Variants in ATRN observed in about 807,000 individuals in gnomAD.
The protein encoded by ATRN is attractin.
ATRN carries 54 observed loss-of-function variants against 178.7 expected under a neutral mutation model. That is an observed-to-expected ratio of 0.30 (90% confidence interval 0.24 to 0.38). The LOEUF (loss-of-function observed/expected upper bound fraction) is 0.38, where lower values mean the gene tolerates loss of function less well. Ranked by LOEUF, ATRN falls within the 10% of genes least tolerant of loss-of-function variation. ATRN has a pLI of 1.00. For missense variants in ATRN, 1,443 were observed against 1,815.1 expected (o/e 0.79, Z 3.73); for synonymous variants, 636 against 663.0 (o/e 0.96, Z 0.63).
chr20:3,629,757 T>C (rs1568774121), intron 25 of ATRN, among the ~76,000 whole-genome samples: 2 of 152,304 alleles, frequency 1.3e-5, no homozygotes, highest in East Asian at 1.9e-4. Context: ...AGGAGAGCAC[T>C]ATACGTAGAA....
At chr20:3,609,160 G>C (rs181968347) in intron 24 of ATRN, among the ~76,000 whole-genome samples, 1 of 151,684 alleles carries the variant, frequency 6.6e-6, no homozygotes, top group African/African-American at 2.4e-5. Flanking sequence ...CCACAAATGT[G>C]GTGTCTCTTT....
chr20:3,564,982 G>A (rs957322624), intron 10 of ATRN, among the ~76,000 whole-genome samples: 2 of 152,042 alleles, frequency 1.3e-5, no homozygotes, highest in Non-Finnish European at 2.9e-5. Flanking sequence ...GGAGAATGGC[G>A]TGAACCTGGG....
intron 1 of ATRN, among the ~76,000 whole-genome samples, chr20:3,523,165 T>TG (rs2085318892): frequency 6.6e-6 from 1 of 151,458 alleles, no homozygotes; most frequent in Non-Finnish European, 1.5e-5. Context: ...CTAAGAACCT[T>TG]GAAAAAAGGT....
At chr20:3,601,819 G>A (rs918326018) in intron 23 of ATRN, among the ~76,000 whole-genome samples, 14 of 144,186 alleles carry the variant, frequency 9.7e-5, no homozygotes, top group Admixed American at 2.1e-4. Context: ...AGCCATGATC[G>A]CACCATTGTA....
chr20:3,563,140 C>T, intron 9 of ATRN, 69 bp from the exon 10 acceptor site: 1 of 1,378,450 alleles, frequency 7.3e-7, no homozygotes, highest in Non-Finnish European at 1.0e-6. Flanking sequence ...GTTGTGCTTG[C>T]ATTAGCAGAT....
At chr20:3,540,414 G>A in intron 3 of ATRN, 79 bp downstream of exon 3, 1 of 882,380 alleles carries the variant, frequency 1.1e-6, no homozygotes. Context: ...ATTCTTACTG[G>A]GTTCACCTTT....
At chr20:3,498,664 G>T (rs2084914287) in intron 1 of ATRN, among the ~76,000 whole-genome samples, 1 of 152,112 alleles carries the variant, frequency 6.6e-6, no homozygotes, top group South Asian at 2.1e-4. Flanking sequence ...AGTAAATTAG[G>T]TATTGATGGG....
intron 1 of ATRN, among the ~76,000 whole-genome samples, chr20:3,478,557 G>T (rs1370910563): frequency 1.3e-5 from 2 of 152,110 alleles, no homozygotes. Context: ...ATAGGGGAGG[G>T]ATAGCATTAG....
intron 24 of ATRN, among the ~76,000 whole-genome samples, chr20:3,622,801 A>G (rs992397997): frequency 1.3e-5 from 2 of 152,252 alleles, no homozygotes; most frequent in African/African-American, 4.8e-5. Context: ...AAGCTGTTTT[A>G]TATGAGGTTC....
intron 4 of ATRN, among the ~76,000 whole-genome samples, chr20:3,546,987 G>A (rs1400299820): frequency 6.6e-6 from 1 of 152,180 alleles, no homozygotes; most frequent in Non-Finnish European, 1.5e-5. Context: ...CCCATGAGGA[G>A]CTAACAGTTC....
chr20:3,560,714 A>G lies in ATRN; in HGVS notation c.1256A>G (p.Asn419Ser), dbSNP rs1314617654. 8 of 1,613,696 alleles carry G rather than the reference A, an allele frequency of 5.0e-6. No individual in the cohort carries two copies. Among genetic ancestry groups the G allele is most frequent in the East Asian group, 2.2e-5 (1 of 44,884 alleles). ...GKIDSTGNVT[N>S]ELRVFHIHNE... ...ATTGATTCAACTGGGAATGTGACCA[A>G]TGAGTTGAGAGTTTTTCACATTCAT... The change falls in exon 8 of 29, where the codon AAT becomes AGT. Residue 419 changes from asparagine (N) to serine (S), a missense_variant. Physicochemically the swap from Asn to Ser is conservative, Grantham distance 46 (BLOSUM62 1). Around this residue, in one of 4 missense-constraint regions of ATRN, gnomAD observed 862 missense variants for 972.1 expected, o/e 0.89. Transcript: ENST00000262919.
Position 3,622,685 on chromosome 20 carries a change from C to T in ATRN, c.3802-1826C>T, listed in dbSNP as rs373783814. ...GTCAGTGCTTTCATAAACATTTTCACGTTATGACCTTTGCCTCCTCACACA... is the reference window on the plus strand; with the variant it reads ...GTCAGTGCTTTCATAAACATTTTCATGTTATGACCTTTGCCTCCTCACACA... On this transcript the variant is annotated intron_variant, in intron 24 of 28. Transcript: ENST00000262919. Among the ~76,000 whole-genome samples the T allele has an allele frequency of 3.3e-5, 5 of 152,328 alleles. No individual in the cohort carries two copies. The East Asian group carries it at 5.8e-4, about 18-fold the overall frequency.
intron 1 of ATRN, chr20:3,490,657 C>G: frequency 1.2e-6 from 1 of 855,740 alleles, no homozygotes; most frequent in Non-Finnish European, 2.0e-6. Context: ...TGCCTCTTCA[C>G]TTGGATTCTC....
rs558687532 is a variant in ATRN, at chr20:3,493,564, G to A, written c.410+22047G>A. Among the ~76,000 whole-genome samples the A allele has an allele frequency of 1.2e-4, 18 of 152,116 alleles. No homozygotes were observed. In the South Asian group the frequency reaches 3.7e-3, roughly 32 times the overall value. On this transcript the variant is annotated intron_variant, in intron 1 of 28. Coordinates refer to ENST00000262919, the MANE Select transcript of ATRN (RefSeq NM_139321.3). ...CCCAGCTCAGCCTCCCAAAGTGCTG[G>A]GATTACAGGCATGAGCCAGTCTGGC... is the stretch of plus-strand genomic sequence containing the variant.
intron 7 of ATRN, 23 bp downstream of exon 7, chr20:3,559,506 T>C: frequency 6.3e-7 from 1 of 1,578,184 alleles, no homozygotes; most frequent in Non-Finnish European, 8.7e-7. Context: ...CACTCTGTGC[T>C]AAGCAAGAAA....
chr20:3,630,528 T>C (rs1231403384), intron 25 of ATRN, among the ~76,000 whole-genome samples: 2 of 152,212 alleles, frequency 1.3e-5, no homozygotes, highest in Non-Finnish European at 1.5e-5. Flanking sequence ...GGCTGTATTG[T>C]AGCTCCAGTA....
chr20:3,646,394 T>C (rs984483894), intron 28 of ATRN, among the ~76,000 whole-genome samples: 3 of 152,156 alleles, frequency 2.0e-5, no homozygotes, highest in Non-Finnish European at 2.9e-5. Flanking sequence ...CTGTGCTTGG[T>C]TGATGTGCTG....
In ATRN at chr20:3,575,682, A is replaced by G; in HGVS notation, c.2093-145A>G. The stretch of plus-strand genomic sequence containing the variant: ...TTGTCTATTTCTAAATATTATTTTA[A>G]CCAGAACATACCAAATATATTTTCC... On this transcript the variant is annotated intron_variant, in intron 12 of 28. Coordinates refer to ENST00000262919, the MANE Select transcript of ATRN (RefSeq NM_139321.3). 3.4e-6 allele frequency: 3 copies of G among 880,182 alleles called. No homozygotes were observed. In the South Asian group the frequency reaches 6.2e-5, roughly 18 times the overall value. 54.5% of individuals were successfully genotyped at this position (880,182 alleles called of 1,614,324 possible).
chr20:3,626,086 G>T (rs2086936504), intron 25 of ATRN, among the ~76,000 whole-genome samples: 1 of 152,062 alleles, frequency 6.6e-6, no homozygotes, highest in African/African-American at 2.4e-5. Flanking sequence ...ACAAAAATTA[G>T]CTGGGTGAGG....
Sources: gnomAD v4.1 joint callset for allele counts (sites outside exome capture counted in the v4.1 genomes callset) on GRCh38, gnomAD v4.1.1 for gene constraint, gnomAD v4.1.1 regional missense constraint, MANE v1.5 for transcripts, NCBI Gene and HGNC (gene_info 2026-07-23, HGNC 2026-07-21) for gene names.